Variants in HBP1 observed in about 807,000 individuals in gnomAD.
HBP1 encodes HMG box-containing protein 1.
In HBP1, 20 loss-of-function variants were observed where a neutral mutation model predicts 62.6. The ratio of observed to expected loss-of-function variants is 0.32; its 90% CI spans 0.22 to 0.46. The LOEUF (loss-of-function observed/expected upper bound fraction) is 0.46. Ranked by LOEUF, HBP1 falls within the 20% of genes least tolerant of loss-of-function variation. The pLI is 1.00. For synonymous variants in HBP1, 232 were observed against 206.2 expected (o/e 1.12, Z -1.07); for missense variants, 480 against 611.8 (o/e 0.78, Z 2.27).
intron 3 of HBP1, among the ~76,000 whole-genome samples, chr7:107,183,100 T>G (rs1797186415): frequency 6.6e-6 from 1 of 152,222 alleles, no homozygotes; most frequent in African/African-American, 2.4e-5. Context: ...AAAATCACTG[T>G]TTCATATATC....
At chr7:107,192,848 A>C (rs2115954618) in intron 8 of HBP1, 1 of 152,338 alleles carries the variant, frequency 6.6e-6, no homozygotes, top group Admixed American at 6.5e-5. Flanking sequence ...TGGAGAAACC[A>C]GGAAAAAATT....
chr7:107,178,085 T>G (rs1796946079), intron 1 of HBP1, among the ~76,000 whole-genome samples: 1 of 152,234 alleles, frequency 6.6e-6, no homozygotes, highest in Non-Finnish European at 1.5e-5. Context: ...TTCAGTGACT[T>G]TTAACAGCAA....
Position 107,171,067 on chromosome 7 carries a change from A to ATTTT in HBP1, c.-16+1883_-16+1884insTTTT, listed in dbSNP as rs1395508929. ...TATAAATATATATATATATATATAT[A>ATTTT]TATATATTTTTTTTTTTTTTTGAGA... is the stretch of plus-strand genomic sequence containing the variant. On this transcript the variant is annotated intron_variant, in intron 1 of 10. Transcript: ENST00000222574. Among the ~76,000 whole-genome samples the ATTTT allele has an allele frequency of 1.8e-4, 12 of 66,668 alleles. 2 individuals carry two copies. Among genetic ancestry groups the ATTTT allele is most frequent in the African/African-American group, 1.4e-3 (10 of 7,186 alleles). The allele number at this position is 66,668 out of a possible 152,430, so 43.7% of individuals were successfully genotyped here.
intron 8 of HBP1, among the ~76,000 whole-genome samples, chr7:107,191,072 T>C (rs544848408): frequency 3.9e-5 from 6 of 152,296 alleles, no homozygotes; most frequent in Admixed American, 2.6e-4. Flanking sequence ...ACTCATTCTT[T>C]CTTTAAGATA....
intron 10 of HBP1, 156 bp downstream of exon 10, chr7:107,200,457 A>G (rs762369137): frequency 6.3e-5 from 30 of 479,450 alleles, no homozygotes; most frequent in Non-Finnish European, 9.3e-5. Context: ...ACATCATCAT[A>G]TAAAGACTGC....
chr7:107,201,488 A>G lies in HBP1; in HGVS notation c.*57A>G. On this transcript the variant is annotated 3_prime_UTR_variant, in exon 11 of 11. Transcript: ENST00000222574. ...TGCATATACATTGACTCTTGATGGAAAGACTTAAGAAGATCAAGGTCTCAC... is the reference window on the plus strand; with the variant it reads ...TGCATATACATTGACTCTTGATGGAGAGACTTAAGAAGATCAAGGTCTCAC... 1 of 1,059,330 alleles carries G rather than the reference A, an allele frequency of 9.4e-7. No homozygotes were observed. The highest frequency in any genetic ancestry group is 1.3e-5 in the South Asian group (1 of 75,522). The allele number at this position is 1,059,330 out of a possible 1,614,324, so 65.6% of individuals were successfully genotyped here. A position where few individuals can be genotyped will look rare whatever the true frequency, so the allele number is the denominator to read the frequency against.
rs117707917 is a variant in HBP1, at chr7:107,195,470, A to G, written c.1068-364A>G. On this transcript the variant is annotated intron_variant, in intron 8 of 10. Coordinates refer to ENST00000222574, the MANE Select transcript of HBP1 (RefSeq NM_012257.4). ...CTATAGGCCAAGAAACCATATTGTC[A>G]CATTTGTCCAGAAATGAATTTAAAG... Among the ~76,000 whole-genome samples, 6 of 152,308 alleles carry G rather than the reference A, an allele frequency of 3.9e-5. No individual in the cohort carries two copies. In the East Asian group the frequency reaches 1.2e-3, roughly 29 times the overall value.
chr7:107,182,603 TAGG>T lies in HBP1; in HGVS notation c.398+5_398+7del. The stretch of plus-strand genomic sequence containing the variant: ...GATGCAGTGCTCATTTTACAATAGG[TAGG>T]AGCATTTATTATATTTTTATTGAAA... On this transcript the variant is annotated splice_donor_5th_base_variant and intron_variant, in intron 3 of 10. Coordinates refer to ENST00000222574, the MANE Select transcript of HBP1 (RefSeq NM_012257.4). 1 of 1,438,726 alleles carries T rather than the reference TAGG, an allele frequency of 7.0e-7. No homozygotes were observed. The highest frequency in any genetic ancestry group is 9.8e-7 in the Non-Finnish European group (1 of 1,024,708). The allele number at this position is 1,438,726 out of a possible 1,614,324, so 89.1% of individuals were successfully genotyped here. A position where few individuals can be genotyped will look rare whatever the true frequency, so the allele number is the denominator to read the frequency against.
intron 2 of HBP1, among the ~76,000 whole-genome samples, chr7:107,182,096 T>C (rs1797134665): frequency 6.6e-6 from 1 of 152,164 alleles, no homozygotes; most frequent in South Asian, 2.1e-4. Context: ...ATTGCACACA[T>C]AAAATGCCTT....
At chr7:107,179,779 A>T (rs558546266) in intron 1 of HBP1, 100 bp from the exon 2 acceptor site, 1 of 757,984 alleles carries the variant, frequency 1.3e-6, no homozygotes, top group South Asian at 2.3e-5. Flanking sequence ...CTCAAAAAAA[A>T]AACAAAACAA....
intron 1 of HBP1, 183 bp from the exon 2 acceptor site, chr7:107,179,696 C>T: frequency 2.8e-6 from 1 of 361,696 alleles, no homozygotes; most frequent in Non-Finnish European, 5.1e-6. Flanking sequence ...CGCTTGAACC[C>T]AGGAGGTGGA....
intron 8 of HBP1, among the ~76,000 whole-genome samples, chr7:107,190,713 T>C (rs1369723637): frequency 6.6e-6 from 1 of 152,234 alleles, no homozygotes; most frequent in Non-Finnish European, 1.5e-5. Flanking sequence ...CTTGATATAA[T>C]AGTTAACTGT....
At chr7:107,197,645 C>T (rs142572217) in intron 9 of HBP1, among the ~76,000 whole-genome samples, 15 of 152,324 alleles carry the variant, frequency 9.8e-5, no homozygotes, top group African/African-American at 3.1e-4. Flanking sequence ...GCTGGGATTA[C>T]AGGCATGAGC....
intron 8 of HBP1, among the ~76,000 whole-genome samples, chr7:107,195,353 T>G (rs1797842400): frequency 2.0e-5 from 3 of 152,202 alleles, no homozygotes; most frequent in Admixed American, 6.5e-5. Context: ...TAACAGCTTT[T>G]CACTGCCTTT....
rs1798291330 is a variant in HBP1, at chr7:107,201,411, C to A, written c.1528-3C>A. Reference sequence around the variant, plus strand: ...TTCACTGAGTTTAATTTTATTTCCACAGGGCTCACAACAACATTAAACCAG... The same window carrying A: ...TTCACTGAGTTTAATTTTATTTCCAAAGGGCTCACAACAACATTAAACCAG... On this transcript the variant is annotated splice_region_variant and splice_polypyrimidine_tract_variant and intron_variant, in intron 10 of 10. Transcript: ENST00000222574. The A allele has an allele frequency of 6.4e-7, 1 of 1,568,554 alleles. No homozygotes were observed. Among genetic ancestry groups the A allele is most frequent in the Admixed American group, 1.7e-5 (1 of 59,496 alleles).
At chr7:107,185,179 T>A (rs1337875781) in intron 3 of HBP1, among the ~76,000 whole-genome samples, 1 of 152,170 alleles carries the variant, frequency 6.6e-6, no homozygotes, top group African/African-American at 2.4e-5. Context: ...GTTTTTTTTT[T>A]AAGGTGATCT....
chr7:107,186,763 C>T, intron 6 of HBP1, 82 bp downstream of exon 6: 1 of 786,900 alleles, frequency 1.3e-6, no homozygotes, highest in Non-Finnish European at 2.1e-6. Flanking sequence ...AAATATCCTC[C>T]ATTCACTTTG....
chr7:107,200,123 G>A (rs373896517), intron 9 of HBP1, 37 bp from the exon 10 acceptor site: 16 of 1,464,332 alleles, frequency 1.1e-5, no homozygotes, highest in Non-Finnish European at 1.3e-5. Flanking sequence ...TATGAAAAAT[G>A]TGTGCTTTCA....
chr7:107,201,373 T>TG (rs1404270979), intron 10 of HBP1, 41 bp from the exon 11 acceptor site: 1 of 1,332,354 alleles, frequency 7.5e-7, no homozygotes, highest in Non-Finnish European at 1.1e-6. Context: ...TACTATGTAT[T>TG]GATTTGTAAA....
Sources: gnomAD v4.1 joint callset for allele counts (sites outside exome capture counted in the v4.1 genomes callset) on GRCh38, gnomAD v4.1.1 for gene constraint, MANE v1.5 for transcripts, NCBI Gene and HGNC (gene_info 2026-07-23, HGNC 2026-07-21) for gene names.